Variants in SUPT3H observed in about 807,000 individuals in gnomAD.
SUPT3H encodes transcription initiation protein SPT3 homolog.
SUPT3H carries 44 observed loss-of-function variants against 44.3 expected under a neutral mutation model. That is an observed-to-expected ratio of 0.99 (90% confidence interval 0.78 to 1.28). The LOEUF is 1.28. Among genes scored for constraint, SUPT3H ranks in the 50% most tolerant of loss-of-function variants. SUPT3H has a pLI of 0.00. For missense variants in SUPT3H, 380 were observed against 387.1 expected, an observed-to-expected ratio of 0.98 and a Z score of 0.15; for synonymous variants, 124 against 125.6, an observed-to-expected ratio of 0.99 and a Z score of 0.09.
chr6:45,275,285 G>A (rs145727566), intron 2 of SUPT3H, among the ~76,000 whole-genome samples: 42 of 152,122 alleles, frequency 2.8e-4, no homozygotes, highest in African/African-American at 1.0e-3. Context: ...CTTGTTTCAT[G>A]ACTATGTTCA....
At chr6:45,012,258 T>G (rs967879031) in intron 5 of SUPT3H, among the ~76,000 whole-genome samples, 4 of 152,140 alleles carry the variant, frequency 2.6e-5, no homozygotes, top group Admixed American at 2.0e-4. Flanking sequence ...GTTTTTCTAC[T>G]TTTTCTCTCA....
intron 2 of SUPT3H, among the ~76,000 whole-genome samples, chr6:45,129,758 A>AT (rs201705432): frequency 1.4e-3 from 209 of 151,986 alleles, no homozygotes; most frequent in Non-Finnish European, 2.6e-3. Flanking sequence ...CTACTTATGG[A>AT]TTTTTTTAAA....
At chr6:45,076,228 T>C (rs1042463483) in intron 3 of SUPT3H, among the ~76,000 whole-genome samples, 1 of 152,162 alleles carries the variant, frequency 6.6e-6, no homozygotes, top group Admixed American at 6.5e-5. Context: ...TTGTGTTAAC[T>C]ATAAAATCAG....
chr6:45,189,893 G>C lies in SUPT3H; in HGVS notation c.102-83887C>G, dbSNP rs925435985. Among the ~76,000 whole-genome samples the C allele has an allele frequency of 2.6e-5, 4 of 152,258 alleles. No homozygotes were observed. The East Asian group carries it at 7.7e-4, about 29-fold the overall frequency. On this transcript the variant is annotated intron_variant, in intron 2 of 10. Transcript: ENST00000371459. ...AAGCATAGGATTGGAAACAGTTTCT[G>C]AAAAGTTACCACAGAAAAATCCCTT...
intron 2 of SUPT3H, among the ~76,000 whole-genome samples, chr6:45,177,770 T>A (rs1450428635): frequency 6.6e-6 from 1 of 152,074 alleles, no homozygotes. Context: ...ATATTCAACA[T>A]TCTTAAAGAA....
rs965930861 is a variant in SUPT3H, at chr6:45,198,215, A to C, written c.102-92209T>G. 3.3e-5 allele frequency among the ~76,000 whole-genome samples: 5 copies of C among 151,510 alleles called. No individual in the cohort carries two copies. The South Asian group carries it at 1.0e-3, about 31-fold the overall frequency. On this transcript the variant is annotated intron_variant, in intron 2 of 10. Transcript: ENST00000371459. Reference sequence around the variant, plus strand: ...AAAAATATTTTAAAAATAGCTTTTCAAAATAGGAATACATATTCTAGTGAT... The same window carrying C: ...AAAAATATTTTAAAAATAGCTTTTCCAAATAGGAATACATATTCTAGTGAT...
intron 1 of SUPT3H, among the ~76,000 whole-genome samples, chr6:45,371,499 T>C (rs1246174389): frequency 6.6e-6 from 1 of 152,008 alleles, no homozygotes. Context: ...AACAACAGGC[T>C]TTGATCCCAG....
chr6:45,274,524 C>A (rs986319335), intron 2 of SUPT3H, among the ~76,000 whole-genome samples: 1 of 152,130 alleles, frequency 6.6e-6, no homozygotes, highest in South Asian at 2.1e-4. Flanking sequence ...TCATGTTGTT[C>A]CAGCACCATT....
At chr6:45,257,342 C>T (rs1170398362) in intron 2 of SUPT3H, among the ~76,000 whole-genome samples, 2 of 152,192 alleles carry the variant, frequency 1.3e-5, no homozygotes. Flanking sequence ...GGCACCCTGG[C>T]TCCATGCCCA....
At chr6:44,973,872 C>T (rs1422011701) in intron 6 of SUPT3H, among the ~76,000 whole-genome samples, 8 of 152,168 alleles carry the variant, frequency 5.3e-5, no homozygotes. Flanking sequence ...AACTCACTTA[C>T]TACCATGAAA....
chr6:45,351,033 G>A (rs1791906166), intron 2 of SUPT3H, among the ~76,000 whole-genome samples: 1 of 152,088 alleles, frequency 6.6e-6, no homozygotes, highest in Admixed American at 6.5e-5. Flanking sequence ...AGAATCTAAT[G>A]CCTGATGATG....
intron 3 of SUPT3H, chr6:45,098,757 C>T: frequency 2.1e-6 from 1 of 477,004 alleles, no homozygotes; most frequent in Non-Finnish European, 4.1e-6. Context: ...TCTAAGACAT[C>T]ATCACTACCA....
At chr6:45,126,141 A>C (rs1407947045) in intron 2 of SUPT3H, among the ~76,000 whole-genome samples, 3 of 152,230 alleles carry the variant, frequency 2.0e-5, no homozygotes, top group African/African-American at 7.2e-5. Context: ...AACTTGCACT[A>C]AACTCAGAAG....
intron 5 of SUPT3H, among the ~76,000 whole-genome samples, chr6:45,012,254 C>T (rs765082200): frequency 1.8e-4 from 27 of 151,612 alleles, no homozygotes; most frequent in Non-Finnish European, 3.2e-4. Flanking sequence ...ATTTGTTTTT[C>T]TACTTTTTCT....
At chr6:45,126,864 G>A (rs907214023) in intron 2 of SUPT3H, among the ~76,000 whole-genome samples, 2 of 152,052 alleles carry the variant, frequency 1.3e-5, no homozygotes, top group African/African-American at 2.4e-5. Flanking sequence ...TTTTTAAAAA[G>A]GGGGAAGAGA....
chr6:45,275,440 T>C (rs1487945199), intron 2 of SUPT3H, among the ~76,000 whole-genome samples: 1 of 152,244 alleles, frequency 6.6e-6, no homozygotes, highest in Non-Finnish European at 1.5e-5. Context: ...CTTTTTAAAA[T>C]TATCTGTTAC....
At chr6:45,084,604 T>C (rs1310679167) in intron 3 of SUPT3H, among the ~76,000 whole-genome samples, 1 of 152,118 alleles carries the variant, frequency 6.6e-6, no homozygotes, top group African/African-American at 2.4e-5. Context: ...CCCAGGATCC[T>C]ATTAATGTGT....
intron 2 of SUPT3H, among the ~76,000 whole-genome samples, chr6:45,346,146 A>G (rs1031195877): frequency 6.6e-6 from 1 of 151,954 alleles, no homozygotes; most frequent in Non-Finnish European, 1.5e-5. Flanking sequence ...CTCTTTTCAC[A>G]TACTTACCTG....
chr6:45,238,347 T>C (rs1769602045), intron 2 of SUPT3H, among the ~76,000 whole-genome samples: 1 of 152,166 alleles, frequency 6.6e-6, no homozygotes, highest in Non-Finnish European at 1.5e-5. Flanking sequence ...AAAGTAACCA[T>C]ATGTAGGGAT....
Sources: allele counts gnomAD v4.1 joint callset (sites outside exome capture counted in the v4.1 genomes callset), GRCh38; gene constraint gnomAD v4.1.1; transcripts MANE v1.5; gene names NCBI Gene and HGNC (gene_info 2026-07-23, HGNC 2026-07-21).